Variants in ASXL3 observed in about 807,000 individuals in gnomAD.
ASXL3 encodes putative Polycomb group protein ASXL3.
Under a neutral mutation model 170.6 loss-of-function variants are expected in ASXL3, and 34 were observed. The observed-to-expected ratio is 0.20, with a 90% CI of 0.15 to 0.27. ASXL3 has a LOEUF of 0.27. ASXL3 is among the 10% of genes least tolerant of loss of function. ASXL3 has a pLI of 1.00. For synonymous variants in ASXL3, 1,002 were observed against 989.1 expected, an observed-to-expected ratio of 1.01 and a Z score of -0.24; for missense variants, 2,592 against 2,695.3, an observed-to-expected ratio of 0.96 and a Z score of 0.85.
intron 1 of ASXL3, among the ~76,000 whole-genome samples, chr18:33,584,898 GTGTC>G (rs1161371649): frequency 6.6e-6 from 1 of 151,550 alleles, no homozygotes; most frequent in Non-Finnish European, 1.5e-5. Flanking sequence ...GTGTGTATGT[GTGTC>G]TGTATGTGTG....
intron 2 of ASXL3, among the ~76,000 whole-genome samples, chr18:33,627,368 C>A (rs1355652405): frequency 6.6e-6 from 1 of 152,148 alleles, no homozygotes; most frequent in Non-Finnish European, 1.5e-5. Flanking sequence ...GGTGTGCTTT[C>A]TAATTTCTCT....
rs139533965 is a variant in ASXL3 at position 33,750,511 on chromosome 18, C to G, written c.*3916C>G. 1 of 150,654 alleles carries G rather than the reference C, an allele frequency of 6.6e-6. No individual in the cohort carries two copies. The highest frequency in any genetic ancestry group is 2.4e-5 in the African/African-American group (1 of 40,920). The allele number at this position is 150,654 out of a possible 1,614,324, so 9.3% of individuals were successfully genotyped here. ...CCTCCTTCCCCTGCTTCATGGAAAC[C>G]TGATATGATACATATTTTCAGTAGT... On this transcript the variant is annotated 3_prime_UTR_variant, in exon 12 of 12. Coordinates refer to ENST00000269197, the MANE Select transcript of ASXL3 (RefSeq NM_030632.3).
At chr18:33,684,296 C>T (rs558973369) in intron 8 of ASXL3, among the ~76,000 whole-genome samples, 7 of 152,186 alleles carry the variant, frequency 4.6e-5, no homozygotes, top group Non-Finnish European at 1.0e-4. Flanking sequence ...TGAAACTGTG[C>T]ATCATTTTCA....
Position 33,744,589 on chromosome 18 carries a change from G to C in ASXL3, c.4741G>C (p.Glu1581Gln). The stretch of plus-strand genomic sequence containing the variant: ...GACTGCTCCCAGTCATAACTTTGCT[G>C]AGCAGGCACGTGGCCCAGCTCCTTT... Reference protein sequence around the residue: ...EPTAPSHNFAEQARGPAPFKS... With the variant: ...EPTAPSHNFAQQARGPAPFKS... Residue 1581 changes from glutamate to glutamine, a missense_variant, in exon 12 of 12, where the codon GAG becomes CAG. This residue lies in a region of ASXL3 where 2,246 missense variants were observed against 2,219.6 expected (regional missense o/e 1.01). Transcript: ENST00000269197. 1.9e-6 allele frequency: 3 copies of C among 1,610,296 alleles called. No homozygotes were observed. Among genetic ancestry groups the C allele is most frequent in the Non-Finnish European group, 2.5e-6 (3 of 1,178,308 alleles).
intron 9 of ASXL3, among the ~76,000 whole-genome samples, chr18:33,733,829 C>T (rs888829805): frequency 2.6e-5 from 4 of 152,122 alleles, no homozygotes; most frequent in African/African-American, 9.7e-5. Context: ...CCTTCAAAAT[C>T]TAACTCAAGA....
rs139371540 is a variant in ASXL3 at position 33,579,432 on chromosome 18, G to A, written c.54+747G>A. ...GGAGGTTATTAAGAGTGTACAGCTA[G>A]GTGTATTTTACTGCTGGCTTCCTGG... On this transcript the variant is annotated intron_variant, in intron 1 of 11. Transcript: ENST00000269197. 2.2e-3 allele frequency among the ~76,000 whole-genome samples: 332 copies of A among 152,266 alleles called. 2 individuals are homozygous for A. The highest frequency in any genetic ancestry group is 7.6e-3 in the African/African-American group (315 of 41,548).
chr18:33,591,901 A>C (rs1194549382), intron 1 of ASXL3, among the ~76,000 whole-genome samples: 1 of 151,986 alleles, frequency 6.6e-6, no homozygotes, highest in Non-Finnish European at 1.5e-5. Flanking sequence ...TCAGCCTCCC[A>C]AAGTGCTGGG....
intron 2 of ASXL3, among the ~76,000 whole-genome samples, chr18:33,637,848 T>C (rs1156526420): frequency 6.6e-6 from 1 of 152,152 alleles, no homozygotes; most frequent in Non-Finnish European, 1.5e-5. Flanking sequence ...GGTTTTCTCT[T>C]GTTTGCAGCA....
At chr18:33,647,781 C>G (rs2065937389) in intron 4 of ASXL3, among the ~76,000 whole-genome samples, 1 of 151,892 alleles carries the variant, frequency 6.6e-6, no homozygotes, top group South Asian at 2.1e-4. Context: ...CTTTGAGAGA[C>G]AGAAAATAAG....
At chr18:33,583,594 A>G (rs1459190878) in intron 1 of ASXL3, among the ~76,000 whole-genome samples, 1 of 152,194 alleles carries the variant, frequency 6.6e-6, no homozygotes, top group Non-Finnish European at 1.5e-5. Flanking sequence ...TGAAAGAATG[A>G]GTAATGTGAA....
Position 33,661,744 on chromosome 18 carries a change from T to G in ASXL3, c.477+7T>G, listed in dbSNP as rs1419187193. On this transcript the variant is annotated splice_region_variant and intron_variant, in intron 5 of 11. Transcript: ENST00000269197. ...CAAAAAGGCTCTTAAACAGGTAAGATAGCTGCCATTTATTCTTTGTCCTTC... is the reference window on the plus strand; with the variant it reads ...CAAAAAGGCTCTTAAACAGGTAAGAGAGCTGCCATTTATTCTTTGTCCTTC... 6.2e-7 allele frequency: 1 copy of G among 1,610,964 alleles called. No individual in the cohort carries two copies. The highest frequency in any genetic ancestry group is 2.2e-5 in the East Asian group (1 of 44,758).
chr18:33,713,657 C>T (rs1211689690), intron 8 of ASXL3, among the ~76,000 whole-genome samples: 1 of 152,124 alleles, frequency 6.6e-6, no homozygotes, highest in Admixed American at 6.5e-5. Flanking sequence ...AGCAGTCAGG[C>T]CTGAGCATCC....
chr18:33,714,675 T>G (rs1379747145), intron 8 of ASXL3, among the ~76,000 whole-genome samples: 1 of 152,126 alleles, frequency 6.6e-6, no homozygotes, highest in Non-Finnish European at 1.5e-5. Flanking sequence ...CACTCCTTTC[T>G]TGAGTTGATG....
At chr18:33,619,931 C>G (rs548234408) in intron 2 of ASXL3, among the ~76,000 whole-genome samples, 2 of 151,994 alleles carry the variant, frequency 1.3e-5, no homozygotes, top group Non-Finnish European at 1.5e-5. Flanking sequence ...TTTTGAGATA[C>G]GTGTCTAGGC....
At chr18:33,653,019 A>C (rs1036970815) in intron 4 of ASXL3, among the ~76,000 whole-genome samples, 5 of 152,178 alleles carry the variant, frequency 3.3e-5, no homozygotes, top group Admixed American at 3.3e-4. Context: ...AAGGCTACAA[A>C]AAAGGAAAAT....
intron 8 of ASXL3, among the ~76,000 whole-genome samples, chr18:33,704,563 G>T (rs1011098523): frequency 2.0e-5 from 3 of 152,008 alleles, no homozygotes; most frequent in African/African-American, 7.2e-5. Flanking sequence ...AGTAGATATA[G>T]TGCCTGTGCT....
chr18:33,684,941 T>A (rs1404427700), intron 8 of ASXL3, among the ~76,000 whole-genome samples: 1 of 152,084 alleles, frequency 6.6e-6, no homozygotes, highest in African/African-American at 2.4e-5. Flanking sequence ...CAAAAGCTAA[T>A]CTGGTGGAAG....
intron 8 of ASXL3, among the ~76,000 whole-genome samples, chr18:33,713,969 G>GTGTT (rs2067124482): frequency 6.6e-6 from 1 of 152,130 alleles, no homozygotes; most frequent in African/African-American, 2.4e-5. Flanking sequence ...ATCATAGTGG[G>GTGTT]TGTTTGACTT....
At chr18:33,680,531 T>C (rs1458443077) in intron 7 of ASXL3, among the ~76,000 whole-genome samples, 2 of 152,094 alleles carry the variant, frequency 1.3e-5, no homozygotes, top group Non-Finnish European at 2.9e-5. Context: ...TTTGATCCAA[T>C]CTATCAGGTT....
Sources: gnomAD v4.1 joint callset for allele counts (sites outside exome capture counted in the v4.1 genomes callset) on GRCh38, gnomAD v4.1.1 for gene constraint, gnomAD v4.1.1 regional missense constraint, MANE v1.5 for transcripts, NCBI Gene and HGNC (gene_info 2026-07-23, HGNC 2026-07-21) for gene names.